GMPR: variants seen among roughly 807,000 people sequenced by gnomAD.
GMPR encodes GMP reductase 1.
GMPR carries 31 observed loss-of-function variants against 38.4 expected under a neutral mutation model. The ratio of observed to expected loss-of-function variants is 0.81; its 90% CI spans 0.61 to 1.09. GMPR has a LOEUF of 1.09. Among genes scored for constraint, GMPR ranks in the 50% least tolerant of loss-of-function variants. The pLI is 0.00. For synonymous variants in GMPR, 162 were observed against 173.3 expected, an observed-to-expected ratio of 0.93 and a Z score of 0.51; for missense variants, 468 against 453.7, an observed-to-expected ratio of 1.03 and a Z score of -0.29.
chr6:16,262,653 A>AT (rs1759108698), intron 4 of GMPR: 1 of 151,964 alleles, frequency 6.6e-6, no homozygotes, highest in Non-Finnish European at 1.5e-5. Context: ...CTGGAATTTA[A>AT]TTTTTGGAGT....
intron 8 of GMPR, 24 bp downstream of exon 8, chr6:16,290,645 A>G (rs746736980): frequency 3.7e-6 from 6 of 1,604,184 alleles, no homozygotes; most frequent in Non-Finnish European, 5.1e-6. Flanking sequence ...CCCGGGGCGC[A>G]CCCTCGAGGC....
chr6:16,258,876 G>A (rs1282745062), intron 4 of GMPR, among the ~76,000 whole-genome samples: 2 of 152,200 alleles, frequency 1.3e-5, no homozygotes, highest in Non-Finnish European at 2.9e-5. Context: ...TATTACGATT[G>A]TTACAATACA....
chr6:16,277,354 G>T (rs1383128478), intron 5 of GMPR, among the ~76,000 whole-genome samples: 8 of 152,274 alleles, frequency 5.3e-5, no homozygotes, highest in Admixed American at 1.3e-4. Flanking sequence ...GCAGAAATTA[G>T]CATCCTACAA....
At chr6:16,272,818 G>A (rs960949327) in intron 4 of GMPR, among the ~76,000 whole-genome samples, 2 of 151,786 alleles carry the variant, frequency 1.3e-5, no homozygotes, top group African/African-American at 2.4e-5. Flanking sequence ...GTGTATGTCA[G>A]TTTTTTTTCT....
intron 7 of GMPR, 67 bp downstream of exon 7, chr6:16,285,902 CT>C: frequency 7.6e-7 from 1 of 1,312,816 alleles, no homozygotes; most frequent in Non-Finnish European, 1.1e-6. Flanking sequence ...ACCTCTCCAG[CT>C]GGCAACCTGA....
At chr6:16,280,179 G>C (rs752696322) in intron 6 of GMPR, among the ~76,000 whole-genome samples, 15 of 152,302 alleles carry the variant, frequency 9.8e-5, no homozygotes, top group South Asian at 2.1e-4. Flanking sequence ...TGAGGTGCTT[G>C]AGGGGCATCA....
chr6:16,280,843 C>T lies in GMPR; in HGVS notation c.654+1953C>T, dbSNP rs186126929. ...CATCTCCATCAAGTCAAAACTTGGA[C>T]CCTATATCGTAAGTGTTGAATGACC... On this transcript the variant is annotated intron_variant, in intron 6 of 8. Transcript: ENST00000259727. Among the ~76,000 whole-genome samples the T allele has an allele frequency of 5.1e-4, 77 of 152,274 alleles. 1 individual carries two copies. The highest frequency in any genetic ancestry group is 1.7e-3 in the African/African-American group (70 of 41,546).
At chr6:16,252,919 T>C (rs1218594313) in intron 3 of GMPR, among the ~76,000 whole-genome samples, 1 of 152,238 alleles carries the variant, frequency 6.6e-6, no homozygotes, top group African/African-American at 2.4e-5. Context: ...TGCAGCCACA[T>C]TGTTATCATT....
intron 1 of GMPR, among the ~76,000 whole-genome samples, chr6:16,240,248 A>T (rs1758621301): frequency 6.6e-6 from 1 of 152,328 alleles, no homozygotes; most frequent in Non-Finnish European, 1.5e-5. Flanking sequence ...ACATTAATGT[A>T]ATAGGGCCAG....
At chr6:16,294,487 T>C (rs970152814) in intron 8 of GMPR, among the ~76,000 whole-genome samples, 6 of 152,346 alleles carry the variant, frequency 3.9e-5, no homozygotes, top group Admixed American at 2.6e-4. Context: ...TTTCTGATCT[T>C]AGACCAGACA....
chr6:16,256,481 AT>A (rs1758979323), intron 4 of GMPR, among the ~76,000 whole-genome samples: 1 of 144,554 alleles, frequency 6.9e-6, no homozygotes, highest in Non-Finnish European at 1.5e-5. Context: ...GTGAGCCGAG[AT>A]CTCACCATTG....
rs368932242 is a variant in GMPR at position 16,254,744 on chromosome 6, G to A, written c.465+9G>A. 2.5e-5 allele frequency: 40 copies of A among 1,598,758 alleles called. 1 individual carries two copies. Among genetic ancestry groups the A allele is most frequent in the African/African-American group, 1.7e-4 (13 of 74,560 alleles). On this transcript the variant is annotated intron_variant, in intron 4 of 8. Coordinates refer to ENST00000259727, the MANE Select transcript of GMPR (RefSeq NM_006877.4). The stretch of plus-strand genomic sequence containing the variant: ...CTGAACACACCATTATGGTAAGTAC[G>A]GTAGAACATTACGGTAGAACATTCT...
At chr6:16,270,290 A>G (rs954463092) in intron 4 of GMPR, among the ~76,000 whole-genome samples, 2 of 152,140 alleles carry the variant, frequency 1.3e-5, no homozygotes, top group African/African-American at 4.8e-5. Context: ...AGAAACCTCC[A>G]TCTGCCTGCC....
chr6:16,262,744 G>T (rs1289015678), intron 4 of GMPR: 1 of 152,016 alleles, frequency 6.6e-6, no homozygotes, highest in Non-Finnish European at 1.5e-5. Context: ...AGGGTCTAGG[G>T]CTGTAAAGCG....
chr6:16,281,127 C>T (rs1284289862), intron 6 of GMPR, among the ~76,000 whole-genome samples: 1 of 152,194 alleles, frequency 6.6e-6, no homozygotes, highest in African/African-American at 2.4e-5. Context: ...GGTGCCCAGA[C>T]CAGCAGCAGC....
At chr6:16,268,610 C>T (rs1489432045) in intron 4 of GMPR, among the ~76,000 whole-genome samples, 2 of 152,166 alleles carry the variant, frequency 1.3e-5, no homozygotes, top group Non-Finnish European at 2.9e-5. Flanking sequence ...GGGGTTGGCA[C>T]ATCACAGCCT....
intron 6 of GMPR, 112 bp from the exon 7 acceptor site, chr6:16,285,681 C>A: frequency 1.2e-6 from 1 of 827,240 alleles, no homozygotes; most frequent in Non-Finnish European, 2.1e-6. Context: ...CGTGGGCTTG[C>A]TGGGGGCTGT....
intron 6 of GMPR, among the ~76,000 whole-genome samples, chr6:16,280,735 A>T (rs1485426964): frequency 6.6e-6 from 1 of 152,186 alleles, no homozygotes; most frequent in African/African-American, 2.4e-5. Context: ...ATCCTAGTGA[A>T]CTGGCTCTTT....
chr6:16,279,870 G>C (rs549913063), intron 6 of GMPR, among the ~76,000 whole-genome samples: 1 of 152,290 alleles, frequency 6.6e-6, no homozygotes, highest in South Asian at 2.1e-4. Flanking sequence ...CACTGCCTTG[G>C]GTCAGATTGA....
Sources: gnomAD v4.1 joint callset for allele counts (sites outside exome capture counted in the v4.1 genomes callset) on GRCh38, gnomAD v4.1.1 for gene constraint, MANE v1.5 for transcripts, NCBI Gene and HGNC (gene_info 2026-07-23, HGNC 2026-07-21) for gene names.